The following CIBAR2 variants were observed in gnomAD, a reference collection of about 807,000 sequenced individuals.
The protein encoded by CIBAR2 is CBY1 interacting BAR domain containing 2.
CIBAR2 carries 38 observed loss-of-function variants against 36.2 expected under a neutral mutation model. The ratio of observed to expected loss-of-function variants is 1.05; its 90% CI spans 0.81 to 1.38. CIBAR2 has a LOEUF of 1.38. Among genes scored for constraint, CIBAR2 ranks in the 40% most tolerant of loss-of-function variants. The pLI, the probability that CIBAR2 is intolerant of heterozygous loss-of-function variation, is 0.00. For synonymous variants in CIBAR2, 182 were observed against 149.5 expected, an observed-to-expected ratio of 1.22 and a Z score of -1.58; for missense variants, 481 against 383.4, an observed-to-expected ratio of 1.25 and a Z score of -2.13.
At chr16:85,110,703 C>CTTTTT (rs1567563127) in intron 1 of CIBAR2, among the ~76,000 whole-genome samples, 1 of 94,540 alleles carries the variant, frequency 1.1e-5, no homozygotes, top group Admixed American at 8.7e-5. Flanking sequence ...GCAGACCTGG[C>CTTTTT]CTTTTTTTTT....
At chr16:85,110,186 G>A (rs768297313) in intron 2 of CIBAR2, 40 bp downstream of exon 2, 19 of 1,474,370 alleles carry the variant, frequency 1.3e-5, no homozygotes, top group Middle Eastern at 3.6e-4. Context: ...TGGAGCCTGG[G>A]TACCCCTCAG....
intron 7 of CIBAR2, among the ~76,000 whole-genome samples, chr16:85,101,732 C>A (rs1480287204): frequency 1.3e-5 from 2 of 151,488 alleles, no homozygotes; most frequent in African/African-American, 4.9e-5. Flanking sequence ...TGCAGTGGCA[C>A]GATCTCGGCT....
In CIBAR2 at chr16:85,099,257, C is replaced by T. The variant is rs2073934967; in HGVS notation, c.843G>A (p.Val281=). The T allele has an allele frequency of 1.2e-6, 2 of 1,613,030 alleles. No homozygotes were observed. The highest frequency in any genetic ancestry group is 1.7e-5 in the Admixed American group (1 of 59,820). ...NHGRFSLCEW[V]VKGQPAHCVC... ...CACAGTGGGCTGGCTGCCCCTTAAC[C>T]ACCCACTCACAGAGACTAAACCTGC... The change falls in exon 9 of 9, where the codon GTG becomes GTA. Residue 281 remains valine, a synonymous_variant. Transcript: ENST00000539556.
At chr16:85,110,196 G>A (rs1179208200) in intron 2 of CIBAR2, 30 bp downstream of exon 2, 1 of 1,507,546 alleles carries the variant, frequency 6.6e-7, no homozygotes, top group Middle Eastern at 1.8e-4. Context: ...GTACCCCTCA[G>A]CATCCCAGAC....
chr16:85,098,619 C>T lies in CIBAR2; in HGVS notation c.*566G>A. ...TGAGGTCCTCCACGGGGGCCTCCTC[C>T]ATGGAGTTGTCCTCACTCTCCTCCC... On this transcript the variant is annotated 3_prime_UTR_variant, in exon 9 of 9. Transcript: ENST00000539556. The T allele has an allele frequency of 2.0e-6, 2 of 985,990 alleles. No individual in the cohort carries two copies. The highest frequency in any genetic ancestry group is 2.4e-6 in the Non-Finnish European group (2 of 830,020). 61.1% of individuals were successfully genotyped at this position (985,990 alleles called of 1,614,324 possible).
chr16:85,103,839 C>A (rs1437835590), intron 6 of CIBAR2, among the ~76,000 whole-genome samples: 1 of 152,210 alleles, frequency 6.6e-6, no homozygotes, highest in Admixed American at 6.5e-5. Context: ...CAGTGTGTCA[C>A]ACAGTGACCT....
chr16:85,109,947 G>A (rs976370824), intron 2 of CIBAR2, among the ~76,000 whole-genome samples: 3 of 152,160 alleles, frequency 2.0e-5, no homozygotes, highest in Non-Finnish European at 2.9e-5. Context: ...GGCCTTGGAT[G>A]TGTCTCCTTC....
Position 85,111,224 on chromosome 16 carries a change from G to A in CIBAR2, c.21-764C>T, listed in dbSNP as rs142926561. On this transcript the variant is annotated intron_variant, in intron 1 of 8. Coordinates refer to ENST00000539556, the MANE Select transcript of CIBAR2 (RefSeq NM_198491.3). ...AACCCTCTCATCAAATCCCTGACTC[G>A]AGAAACGCCCTGAGGAGCAGCCCTC... is the stretch of plus-strand genomic sequence containing the variant. Among the ~76,000 whole-genome samples the A allele has an allele frequency of 4.8e-3, 726 of 152,170 alleles. 4 individuals carry two copies. The highest frequency in any genetic ancestry group is 0.02 in the Middle Eastern group (6 of 294).
At chr16:85,104,489 A>G (rs28709763) in intron 6 of CIBAR2, among the ~76,000 whole-genome samples, 23,109 of 152,124 alleles carry the variant, frequency 0.15, 3,043 homozygotes, top group African/African-American at 0.36. Flanking sequence ...GGGTGGATCA[A>G]TTGAGGTCAG....
At chr16:85,110,158 C>T (rs541513593) in intron 2 of CIBAR2, 68 bp downstream of exon 2, 10 of 1,272,452 alleles carry the variant, frequency 7.9e-6, no homozygotes, top group African/African-American at 3.0e-5. Flanking sequence ...CTGCAGCCCT[C>T]AGGCCTGACC....
chr16:85,111,298 C>T (rs1051989402), intron 1 of CIBAR2, among the ~76,000 whole-genome samples: 2 of 152,220 alleles, frequency 1.3e-5, no homozygotes, highest in African/African-American at 4.8e-5. Flanking sequence ...CAAAACACTC[C>T]ACATGCACCG....
chr16:85,101,950 G>C (rs1427497678), intron 7 of CIBAR2, among the ~76,000 whole-genome samples: 1 of 152,138 alleles, frequency 6.6e-6, no homozygotes, highest in Non-Finnish European at 1.5e-5. Context: ...TTACGGGCGT[G>C]AACCACCATG....
chr16:85,100,018 G>C, intron 8 of CIBAR2, 121 bp downstream of exon 8: 1 of 742,452 alleles, frequency 1.3e-6, no homozygotes, highest in Non-Finnish European at 2.2e-6. Flanking sequence ...TGCCTCCTCA[G>C]CCTCCCATTT....
intron 6 of CIBAR2, 125 bp from the exon 7 acceptor site, chr16:85,102,452 G>A: frequency 1.5e-6 from 1 of 651,528 alleles, no homozygotes; most frequent in South Asian, 1.7e-5. Flanking sequence ...CCCCAGGTGG[G>A]GAGTTTCGAC....
At chr16:85,105,777 C>T (rs1316886592) in intron 5 of CIBAR2, among the ~76,000 whole-genome samples, 1 of 152,186 alleles carries the variant, frequency 6.6e-6, no homozygotes, top group African/African-American at 2.4e-5. Flanking sequence ...GCCCTTAGGA[C>T]AGGTGCTCCA....
chr16:85,108,168 G>T, intron 2 of CIBAR2, 69 bp from the exon 3 acceptor site: 3 of 1,440,444 alleles, frequency 2.1e-6, no homozygotes, highest in Non-Finnish European at 2.8e-6. Flanking sequence ...GGCATATAAA[G>T]CAGAGCCGGC....
intron 6 of CIBAR2, among the ~76,000 whole-genome samples, chr16:85,104,461 A>G (rs2073979663): frequency 6.6e-6 from 1 of 152,196 alleles, no homozygotes; most frequent in Admixed American, 6.5e-5. Flanking sequence ...TAATCCCAGC[A>G]CTTTAGGAGG....
At position 85,107,720 on chromosome 16, in the gene CIBAR2, T is replaced by A. The variant is rs761056032; in HGVS notation, c.427-48A>T. ...ACCAAGTTAAGCCCAGGCAGCCCCGTTGGGGTGGTCCGCCCCCTTCACAGC... is the reference window on the plus strand; with the variant it reads ...ACCAAGTTAAGCCCAGGCAGCCCCGATGGGGTGGTCCGCCCCCTTCACAGC... On this transcript the variant is annotated intron_variant, in intron 4 of 8. Coordinates refer to ENST00000539556, the MANE Select transcript of CIBAR2 (RefSeq NM_198491.3). The A allele has an allele frequency of 4.7e-5, 75 of 1,612,506 alleles. 2 individuals carry two copies. In the South Asian group the frequency reaches 8.0e-4, roughly 17 times the overall value.
intron 2 of CIBAR2, among the ~76,000 whole-genome samples, chr16:85,108,400 T>C (rs892915739): frequency 1.3e-5 from 2 of 152,162 alleles, no homozygotes; most frequent in African/African-American, 4.8e-5. Context: ...AGATGGTGCC[T>C]GGCCCAGAAC....
Sources: allele counts gnomAD v4.1 joint callset (sites outside exome capture counted in the v4.1 genomes callset), GRCh38; gene constraint gnomAD v4.1.1; transcripts MANE v1.5; gene names NCBI Gene and HGNC (gene_info 2026-07-23, HGNC 2026-07-21).